Variants in GAREM1 observed in about 807,000 individuals in gnomAD.
The protein encoded by GAREM1 is GRB2 associated regulator of MAPK1 subtype 1.
A neutral mutation model predicts 71.3 loss-of-function variants in GAREM1; 26 were observed. The observed-to-expected ratio is 0.36, with a 90% CI of 0.27 to 0.51. The LOEUF is 0.51. GAREM1 is among the 20% of genes least tolerant of loss of function. GAREM1 has a pLI of 0.95. For missense variants in GAREM1, 1,026 were observed against 1,103.1 expected, an observed-to-expected ratio of 0.93 and a Z score of 0.99; for synonymous variants, 440 against 433.2, an observed-to-expected ratio of 1.02 and a Z score of -0.20.
Position 32,287,563 on chromosome 18 carries a change from TCACGGACAG to T in GAREM1, c.1025_1033del (p.Ala342_Arg344del). On this transcript the variant is annotated inframe_deletion, in exon 4 of 6. Coordinates refer to ENST00000269209, the MANE Select transcript of GAREM1 (RefSeq NM_001242409.2). This position sits in a 1 kb window ranked among gnomAD's most constrained non-coding sequence, Gnocchi z 5.9. ...TTCTTCATTCCAGTCGGTTTTCACA[TCACGGACAG>T]CCCGTGAATACTCATCGATGTCGAA... 6.2e-7 allele frequency: 1 copy of T among 1,614,192 alleles called. No homozygotes were observed. Among genetic ancestry groups the T allele is most frequent in the Non-Finnish European group, 8.5e-7 (1 of 1,180,052 alleles).
At chr18:32,362,544 G>A (rs556736602) in intron 2 of GAREM1, among the ~76,000 whole-genome samples, 9 of 152,318 alleles carry the variant, frequency 5.9e-5, no homozygotes, top group African/African-American at 1.9e-4. Context: ...AGAGAGAGAA[G>A]TTCCTGGGAA....
chr18:32,287,865 C>A lies in GAREM1; in HGVS notation c.732G>T (p.Arg244Ser). ...HTIRNIVEKT[R>S]LPVNVTVPSP... is the part of the protein sequence containing the mutation. ...TTGGCACAGTCACATTCACAGGAAG[C>A]CTGGTTTTCTCCACAATGTTGCGGA... is the stretch of plus-strand genomic sequence containing the variant. Residue 244 changes from arginine to serine, a missense_variant, in exon 4 of 6, where the codon AGG becomes AGT. This residue lies in a region of GAREM1 where 218 missense variants were observed against 296.8 expected (regional missense o/e 0.73). Transcript: ENST00000269209. The surrounding 1 kb of genome is among the most constrained non-coding windows in gnomAD (Gnocchi z 5.9). The A allele has an allele frequency of 1.9e-6, 3 of 1,613,766 alleles. No homozygotes were observed. The highest frequency in any genetic ancestry group is 2.5e-6 in the Non-Finnish European group (3 of 1,179,938).
chr18:32,461,013 CATT>C (rs1426842943), intron 1 of GAREM1, among the ~76,000 whole-genome samples: 1 of 152,130 alleles, frequency 6.6e-6, no homozygotes. Context: ...CCCTAAGAAT[CATT>C]ATTTTATAAA....
intron 2 of GAREM1, among the ~76,000 whole-genome samples, chr18:32,355,669 C>G (rs1309971221): frequency 6.6e-6 from 1 of 152,102 alleles, no homozygotes; most frequent in Non-Finnish European, 1.5e-5. Context: ...GGACTTTTTT[C>G]TAGTACCTTG....
intron 2 of GAREM1, among the ~76,000 whole-genome samples, chr18:32,365,767 C>G (rs2047924034): frequency 6.6e-6 from 1 of 152,168 alleles, no homozygotes; most frequent in Non-Finnish European, 1.5e-5. Context: ...CTAACTCCCT[C>G]AGGCTCATCT....
chr18:32,280,410 T>C (rs1304197158), intron 4 of GAREM1, among the ~76,000 whole-genome samples: 1 of 151,860 alleles, frequency 6.6e-6, no homozygotes, highest in Non-Finnish European at 1.5e-5. Flanking sequence ...AGGAAGGGAG[T>C]CAGTTATCCA....
intron 3 of GAREM1, among the ~76,000 whole-genome samples, chr18:32,295,125 C>A (rs1306878072): frequency 6.6e-6 from 1 of 151,834 alleles, no homozygotes; most frequent in African/African-American, 2.4e-5. Flanking sequence ...AGTGCAGTGG[C>A]ATGATCTCGG....
chr18:32,308,494 A>G (rs931127078), intron 3 of GAREM1, among the ~76,000 whole-genome samples: 1 of 150,206 alleles, frequency 6.7e-6, no homozygotes, highest in African/African-American at 2.5e-5. Flanking sequence ...TTTTCTAGAA[A>G]GGAGTTTAAA....
intron 2 of GAREM1, among the ~76,000 whole-genome samples, chr18:32,328,445 C>G (rs2047494441): frequency 6.6e-6 from 1 of 152,142 alleles, no homozygotes; most frequent in African/African-American, 2.4e-5. Context: ...AGCAGTTACA[C>G]TGTATTTCAC....
At chr18:32,282,478 G>C (rs116809687) in intron 4 of GAREM1, among the ~76,000 whole-genome samples, 2,647 of 152,312 alleles carry the variant, frequency 0.017, 88 homozygotes, top group African/African-American at 0.059. Flanking sequence ...GGGGTCCCCA[G>C]ATAGGACACT....
intron 3 of GAREM1, among the ~76,000 whole-genome samples, chr18:32,298,646 TG>T (rs1262421453): frequency 6.6e-6 from 1 of 152,192 alleles, no homozygotes; most frequent in African/African-American, 2.4e-5. Context: ...ATTTTAAGCT[TG>T]TGGACGCGCA....
intron 5 of GAREM1, 145 bp downstream of exon 5, chr18:32,270,072 C>T: frequency 1.1e-6 from 1 of 877,998 alleles, no homozygotes; most frequent in Non-Finnish European, 1.8e-6. Flanking sequence ...ATCATGCTCA[C>T]TCAGTAAAAT....
chr18:32,295,113 G>A (rs2047127577), intron 3 of GAREM1, among the ~76,000 whole-genome samples: 2 of 152,036 alleles, frequency 1.3e-5, no homozygotes, highest in Admixed American at 1.3e-4. Context: ...CACCCAGGCT[G>A]GAGTGCAGTG....
chr18:32,435,934 C>A (rs1394297708), intron 1 of GAREM1, among the ~76,000 whole-genome samples: 1 of 152,146 alleles, frequency 6.6e-6, no homozygotes, highest in African/African-American at 2.4e-5. Flanking sequence ...AAATTGCACC[C>A]AAGGTCTCCT....
chr18:32,364,024 A>ATTTTTTTTTT (rs1292370389), intron 2 of GAREM1, among the ~76,000 whole-genome samples: 2 of 52,224 alleles, frequency 3.8e-5, no homozygotes, highest in Non-Finnish European at 6.3e-5. Context: ...ATATATATAT[A>ATTTTTTTTTT]TATGTTTTTT....
chr18:32,334,069 T>C (rs2047564552), intron 2 of GAREM1, among the ~76,000 whole-genome samples: 1 of 152,146 alleles, frequency 6.6e-6, no homozygotes, highest in Non-Finnish European at 1.5e-5. Flanking sequence ...CATTGTGACA[T>C]TGCAGTCGGA....
chr18:32,413,226 C>T (rs1275669962), intron 1 of GAREM1: 36 of 1,605,192 alleles, frequency 2.2e-5, no homozygotes, highest in East Asian at 4.5e-5. Context: ...GCGGCGTCCA[C>T]GGGCAGAAAG....
At chr18:32,377,025 G>A (rs1163503862) in intron 2 of GAREM1, among the ~76,000 whole-genome samples, 1 of 152,110 alleles carries the variant, frequency 6.6e-6, no homozygotes, top group Non-Finnish European at 1.5e-5. Context: ...TATGAGATAA[G>A]TATTATTATC....
chr18:32,402,349 C>T (rs1444365352), intron 1 of GAREM1, among the ~76,000 whole-genome samples: 1 of 152,038 alleles, frequency 6.6e-6, no homozygotes, highest in Non-Finnish European at 1.5e-5. Context: ...GTCCTACCTA[C>T]CTCTAAAAAT....
Sources: allele counts gnomAD v4.1 joint callset (sites outside exome capture counted in the v4.1 genomes callset), GRCh38; gene constraint gnomAD v4.1.1; regional missense constraint gnomAD v4.1.1; non-coding constraint Gnocchi (gnomAD v3.1); transcripts MANE v1.5; gene names NCBI Gene and HGNC (gene_info 2026-07-23, HGNC 2026-07-21).